The following COL13A1 variants were observed in gnomAD, a reference collection of about 807,000 sequenced individuals.
COL13A1 encodes collagen alpha-1(XIII) chain.
COL13A1 carries 89 observed loss-of-function variants against 130.9 expected under a neutral mutation model. That is an observed-to-expected ratio of 0.68 (90% CI 0.57 to 0.81). The LOEUF (loss-of-function observed/expected upper bound fraction) is 0.81, where lower values mean the gene tolerates loss of function less well. Among genes scored for constraint, COL13A1 ranks in the 30% least tolerant of loss-of-function variants. The pLI is 0.00. For synonymous variants in COL13A1, 402 were observed against 341.6 expected, an observed-to-expected ratio of 1.18 and a Z score of -1.95; for missense variants, 879 against 934.6, an observed-to-expected ratio of 0.94 and a Z score of 0.78.
intron 3 of COL13A1, among the ~76,000 whole-genome samples, chr10:69,868,062 G>A (rs1479026007): frequency 6.8e-6 from 1 of 147,022 alleles, no homozygotes; most frequent in Non-Finnish European, 1.5e-5. Context: ...CAATATGAAA[G>A]AGTGGCTTTC....
chr10:69,880,734 G>C (rs1385610359), intron 7 of COL13A1, among the ~76,000 whole-genome samples, 181 bp downstream of exon 7: 1 of 152,222 alleles, frequency 6.6e-6, no homozygotes, highest in Non-Finnish European at 1.5e-5. Flanking sequence ...AAGGAAAGTG[G>C]CCTGGCTAAA....
intron 10 of COL13A1, among the ~76,000 whole-genome samples, chr10:69,893,643 GAC>G (rs1235457237): frequency 2.0e-5 from 3 of 152,358 alleles, no homozygotes; most frequent in Middle Eastern, 3.4e-3. Flanking sequence ...TAGAAGCCCT[GAC>G]TCCCAAGGTC....
At chr10:69,827,423 T>G (rs1256132134) in intron 2 of COL13A1, among the ~76,000 whole-genome samples, 1 of 152,164 alleles carries the variant, frequency 6.6e-6, no homozygotes, top group Non-Finnish European at 1.5e-5. Flanking sequence ...GGTAATTGCT[T>G]ATTGATGTCT....
intron 27 of COL13A1, among the ~76,000 whole-genome samples, chr10:69,928,178 G>A (rs2065629890): frequency 6.6e-6 from 1 of 152,046 alleles, no homozygotes; most frequent in Non-Finnish European, 1.5e-5. Flanking sequence ...AATAGCTATT[G>A]GAAATAAAAC....
At chr10:69,852,439 T>C (rs1029058320) in intron 2 of COL13A1, among the ~76,000 whole-genome samples, 5 of 152,260 alleles carry the variant, frequency 3.3e-5, no homozygotes, top group African/African-American at 9.6e-5. Context: ...TTGTCCCCAT[T>C]TTGCAGAGAA....
intron 33 of COL13A1, among the ~76,000 whole-genome samples, 181 bp downstream of exon 33, chr10:69,936,963 G>T (rs2067009731): frequency 6.6e-6 from 1 of 152,232 alleles, no homozygotes; most frequent in Non-Finnish European, 1.5e-5. Flanking sequence ...CACCTGGTGT[G>T]CTTTGGCTTC....
chr10:69,895,700 C>T, intron 13 of COL13A1, 124 bp downstream of exon 13: 1 of 1,030,858 alleles, frequency 9.7e-7, no homozygotes, highest in Non-Finnish European at 1.5e-6. Context: ...GGAGCACCCA[C>T]TGCCCTCTGC....
chr10:69,900,321 A>G (rs1429966649), intron 14 of COL13A1, among the ~76,000 whole-genome samples: 3 of 152,194 alleles, frequency 2.0e-5, no homozygotes, highest in Non-Finnish European at 4.4e-5. Flanking sequence ...AAATTATCTC[A>G]TGCATTCCCC....
At chr10:69,872,336 G>A in intron 4 of COL13A1, 126 bp downstream of exon 4, 1 of 1,068,040 alleles carries the variant, frequency 9.4e-7, no homozygotes, top group East Asian at 2.6e-5. Flanking sequence ...ACTCTCCAGA[G>A]TCCCTGATCT....
At chr10:69,825,917 G>A (rs1847369907) in intron 2 of COL13A1, among the ~76,000 whole-genome samples, 2 of 152,342 alleles carry the variant, frequency 1.3e-5, no homozygotes, top group African/African-American at 4.8e-5. Context: ...TGCCAAGGGA[G>A]TGATGGGCTT....
intron 14 of COL13A1, 89 bp downstream of exon 14, chr10:69,898,851 C>A: frequency 1.0e-6 from 1 of 991,488 alleles, no homozygotes; most frequent in African/African-American, 1.6e-5. Context: ...CAGAACCTCT[C>A]TCTAATTCAG....
intron 38 of COL13A1, among the ~76,000 whole-genome samples, chr10:69,949,912 TG>T (rs1391171225): frequency 4.0e-5 from 3 of 75,416 alleles, no homozygotes; most frequent in African/African-American, 1.6e-4. Context: ...TTTGGGGGGG[TG>T]GGGGGTGCAC....
rs982079862 is a variant in COL13A1 at position 69,925,864 on chromosome 10, G to T, written c.1390G>T (p.Ala464Ser). ...MVDYNGNINE[A>S]LQEIRTLALM... ...GGATTACAATGGAAACATCAATGAGGCTCTCCAGGTGAGCAGGGTCCAGCC... is the reference window on the plus strand; with the variant it reads ...GGATTACAATGGAAACATCAATGAGTCTCTCCAGGTGAGCAGGGTCCAGCC... Residue 464 changes from alanine (A) to serine (S), a missense_variant, in exon 26 of 41, where the codon GCT becomes TCT. By Grantham distance (99) the Ala-to-Ser change is moderately conservative (BLOSUM62 1). Around this residue, in one of 3 missense-constraint regions of COL13A1, gnomAD observed 715 missense variants for 721.0 expected, o/e 0.99. Transcript: ENST00000645393. The T allele has an allele frequency of 1.3e-6, 2 of 1,594,478 alleles. No individual in the cohort carries two copies. Among genetic ancestry groups the T allele is most frequent in the Non-Finnish European group, 1.7e-6 (2 of 1,170,516 alleles).
chr10:69,953,137 T>C (rs1176164636), intron 39 of COL13A1, among the ~76,000 whole-genome samples, 169 bp downstream of exon 39: 1 of 152,366 alleles, frequency 6.6e-6, no homozygotes, highest in Non-Finnish European at 1.5e-5. Flanking sequence ...TTGGATTTGC[T>C]TTGTAACCAC....
At chr10:69,874,894 A>G (rs930193444) in intron 4 of COL13A1, among the ~76,000 whole-genome samples, 2 of 152,210 alleles carry the variant, frequency 1.3e-5, no homozygotes, top group Non-Finnish European at 2.9e-5. Context: ...TGCTCTTTCC[A>G]CAACACTCAT....
intron 34 of COL13A1, 126 bp downstream of exon 34, chr10:69,937,841 T>G: frequency 1.7e-6 from 1 of 604,472 alleles, no homozygotes; most frequent in Non-Finnish European, 3.0e-6. Context: ...ATGTGGTTTG[T>G]CTTTCCCACC....
At chr10:69,832,758 G>A (rs538028265) in intron 2 of COL13A1, among the ~76,000 whole-genome samples, 4 of 152,236 alleles carry the variant, frequency 2.6e-5, no homozygotes. Context: ...AGAAAGACTC[G>A]CCCTCCTTCG....
rs189673084 is a variant in COL13A1, at chr10:69,932,463, G to C, written c.1684-97G>C. 24 of 836,694 alleles carry C rather than the reference G, an allele frequency of 2.9e-5. No homozygotes were observed. The East Asian group carries it at 6.0e-4, about 21-fold the overall frequency. The allele number at this position is 836,694 out of a possible 1,614,324, so 51.8% of individuals were successfully genotyped here. A position where few individuals can be genotyped will look rare whatever the true frequency, so the allele number is the denominator to read the frequency against. On this transcript the variant is annotated intron_variant, in intron 30 of 40. Coordinates refer to ENST00000645393, the MANE Select transcript of COL13A1 (RefSeq NM_001368882.1). ...GTGTTCCTTGTTGACCCCTAGACCAGTCACGTCCCAGTCTAGTTTGTCACA... is the reference window on the plus strand; with the variant it reads ...GTGTTCCTTGTTGACCCCTAGACCACTCACGTCCCAGTCTAGTTTGTCACA...
intron 6 of COL13A1, among the ~76,000 whole-genome samples, chr10:69,880,079 C>T (rs772984349): frequency 6.6e-6 from 1 of 152,056 alleles, no homozygotes; most frequent in Non-Finnish European, 1.5e-5. Flanking sequence ...GGGAGAGACT[C>T]AGGCCTGGGC....
Sources: gnomAD v4.1 joint callset for allele counts (sites outside exome capture counted in the v4.1 genomes callset) on GRCh38, gnomAD v4.1.1 for gene constraint, gnomAD v4.1.1 regional missense constraint, MANE v1.5 for transcripts, NCBI Gene and HGNC (gene_info 2026-07-23, HGNC 2026-07-21) for gene names.